Variants in ADAMTSL1 observed in about 807,000 individuals in gnomAD.
The protein encoded by ADAMTSL1 is ADAMTS like 1.
ADAMTSL1 carries 126 observed loss-of-function variants against 201.8 expected under a neutral mutation model. That is an observed-to-expected ratio of 0.62 (90% confidence interval 0.54 to 0.72). ADAMTSL1 has a LOEUF of 0.72. ADAMTSL1 is among the 30% of genes least tolerant of loss of function. The probability of loss-of-function intolerance (pLI) is 0.00; values close to 1 mark genes in which losing one functional copy is unlikely to be tolerated. For synonymous variants in ADAMTSL1, 1,121 were observed against 903.4 expected (o/e 1.24, Z -4.32); for missense variants, 2,679 against 2,277.8 (o/e 1.18, Z -3.59).
At chr9:18,176,462 T>G (rs1447994802) in intron 2 of ADAMTSL1, among the ~76,000 whole-genome samples, 1 of 152,184 alleles carries the variant, frequency 6.6e-6, no homozygotes, top group Non-Finnish European at 1.5e-5. Context: ...TGATAGTAAC[T>G]GTCATTTATT....
At chr9:18,524,424 C>A (rs1407242986) in intron 2 of ADAMTSL1, among the ~76,000 whole-genome samples, 3 of 152,082 alleles carry the variant, frequency 2.0e-5, no homozygotes, top group Non-Finnish European at 2.9e-5. Flanking sequence ...TAATTGAATA[C>A]CCTTTATTTC....
intron 4 of ADAMTSL1, among the ~76,000 whole-genome samples, chr9:18,588,891 A>C (rs1823717409): frequency 8.6e-6 from 1 of 115,924 alleles, no homozygotes; most frequent in South Asian, 2.9e-4. Context: ...ATACATATAT[A>C]TATATATATA....
At chr9:18,739,204 A>G (rs922268465) in intron 15 of ADAMTSL1, among the ~76,000 whole-genome samples, 5 of 152,216 alleles carry the variant, frequency 3.3e-5, no homozygotes, top group Admixed American at 1.3e-4. Context: ...TATTGTAATT[A>G]TTGTTATCAT....
chr9:18,815,500 G>T (rs1396104752), intron 20 of ADAMTSL1, among the ~76,000 whole-genome samples: 1 of 150,834 alleles, frequency 6.6e-6, no homozygotes, highest in African/African-American at 2.4e-5. Context: ...ACTAGCCTGG[G>T]CAACACTGGG....
chr9:18,085,849 G>C (rs897473535), intron 1 of ADAMTSL1, among the ~76,000 whole-genome samples: 53 of 151,770 alleles, frequency 3.5e-4, no homozygotes, highest in African/African-American at 1.3e-3. Flanking sequence ...CTGCTGTTTG[G>C]AGAAGTGACT....
intron 2 of ADAMTSL1, among the ~76,000 whole-genome samples, chr9:18,261,817 C>G (rs1379610920): frequency 2.0e-5 from 3 of 151,876 alleles, no homozygotes; most frequent in Non-Finnish European, 4.4e-5. Context: ...CTGGAAGCAC[C>G]CTAAATAAAA....
chr9:18,346,128 G>A (rs773309223), intron 2 of ADAMTSL1, among the ~76,000 whole-genome samples: 1 of 152,020 alleles, frequency 6.6e-6, no homozygotes, highest in Non-Finnish European at 1.5e-5. Flanking sequence ...TTATTTATTT[G>A]TTTAAATTTA....
chr9:18,087,597 A>C (rs1685509088), intron 1 of ADAMTSL1, among the ~76,000 whole-genome samples: 1 of 152,190 alleles, frequency 6.6e-6, no homozygotes, highest in Admixed American at 6.5e-5. Context: ...CAGAAAATTT[A>C]AAGTTTTCTA....
At chr9:18,537,605 C>G (rs375013366) in intron 3 of ADAMTSL1, among the ~76,000 whole-genome samples, 1 of 152,114 alleles carries the variant, frequency 6.6e-6, no homozygotes, top group Non-Finnish European at 1.5e-5. Context: ...CACCATGGCT[C>G]ACACCTGTAA....
intron 1 of ADAMTSL1, among the ~76,000 whole-genome samples, chr9:17,977,972 TA>T (rs1818521286): frequency 6.6e-6 from 1 of 152,088 alleles, no homozygotes; most frequent in Non-Finnish European, 1.5e-5. Context: ...ATTTGCTTTA[TA>T]TTCATATGGG....
intron 1 of ADAMTSL1, among the ~76,000 whole-genome samples, chr9:18,503,692 G>T (rs546693545): frequency 9.9e-5 from 15 of 152,028 alleles, no homozygotes; most frequent in Non-Finnish European, 1.9e-4. Flanking sequence ...CACAGTTCCT[G>T]CTCCTAATCA....
At chr9:18,254,343 T>TG (rs1563837348) in intron 2 of ADAMTSL1, among the ~76,000 whole-genome samples, 4 of 139,494 alleles carry the variant, frequency 2.9e-5, no homozygotes, top group African/African-American at 5.4e-5. Context: ...ATACTCTTTT[T>TG]GGTTTTTTTT....
At chr9:17,942,518 GT>G (rs1450366524) in intron 1 of ADAMTSL1, among the ~76,000 whole-genome samples, 1 of 152,146 alleles carries the variant, frequency 6.6e-6, no homozygotes, top group Non-Finnish European at 1.5e-5. Flanking sequence ...TCTGGAACTG[GT>G]ACTTTGTTAT....
rs1401465626 is a variant in ADAMTSL1, at chr9:18,323,056, T to A, written c.207+159075T>A. Among the ~76,000 whole-genome samples, 6 of 152,054 alleles carry A rather than the reference T, an allele frequency of 3.9e-5. No homozygotes were observed. The East Asian group carries it at 9.6e-4, about 24-fold the overall frequency. ...TGTTTTGAGACCAATGTGACCCTGATACAAAATCTGAGAAAAAAGCATGCT... is the reference window on the plus strand; with the variant it reads ...TGTTTTGAGACCAATGTGACCCTGAAACAAAATCTGAGAAAAAAGCATGCT... On this transcript the variant is annotated intron_variant, in intron 2 of 29. Transcript: ENST00000680146.
intron 1 of ADAMTSL1, among the ~76,000 whole-genome samples, chr9:18,109,470 A>T (rs1230868128): frequency 1.3e-5 from 2 of 152,106 alleles, no homozygotes; most frequent in Non-Finnish European, 2.9e-5. Flanking sequence ...GTAATAAATC[A>T]TCCTCCCTCC....
At chr9:17,971,029 A>G (rs576625484) in intron 1 of ADAMTSL1, among the ~76,000 whole-genome samples, 1 of 152,236 alleles carries the variant, frequency 6.6e-6, no homozygotes, top group South Asian at 2.1e-4. Flanking sequence ...TGTTACATAA[A>G]TATCTGTTTG....
At chr9:18,332,228 A>G (rs1473982484) in intron 2 of ADAMTSL1, among the ~76,000 whole-genome samples, 1 of 152,218 alleles carries the variant, frequency 6.6e-6, no homozygotes, top group Admixed American at 6.5e-5. Flanking sequence ...ATGTTATCTT[A>G]CATAGATGTA....
At chr9:18,023,112 T>A (rs2131587071) in intron 1 of ADAMTSL1, among the ~76,000 whole-genome samples, 1 of 151,558 alleles carries the variant, frequency 6.6e-6, no homozygotes, top group Non-Finnish European at 1.5e-5. Context: ...AATTGATGGT[T>A]TCTAGATCTC....
intron 16 of ADAMTSL1, among the ~76,000 whole-genome samples, chr9:18,756,565 G>A (rs1403576875): frequency 1.3e-5 from 2 of 152,132 alleles, no homozygotes; most frequent in African/African-American, 2.4e-5. Context: ...CCATTGCCTG[G>A]TTAGCCCTGA....
Sources: gnomAD v4.1 joint callset for allele counts (sites outside exome capture counted in the v4.1 genomes callset) on GRCh38, gnomAD v4.1.1 for gene constraint, MANE v1.5 for transcripts, NCBI Gene and HGNC (gene_info 2026-07-23, HGNC 2026-07-21) for gene names.